Variants in SAMD8 observed in about 807,000 individuals in gnomAD.
The protein encoded by SAMD8 is sphingomyelin synthase-related protein 1.
In SAMD8, 20 loss-of-function variants were observed where a neutral mutation model predicts 42.0. That is an observed-to-expected ratio of 0.48 (90% CI 0.34 to 0.69). The LOEUF (loss-of-function observed/expected upper bound fraction) is 0.69. SAMD8 is among the 30% of genes least tolerant of loss of function. SAMD8 has a pLI of 0.01. For synonymous variants in SAMD8, 162 were observed against 173.0 expected, an observed-to-expected ratio of 0.94 and a Z score of 0.50; for missense variants, 328 against 511.6, an observed-to-expected ratio of 0.64 and a Z score of 3.46.
intron 1 of SAMD8, among the ~76,000 whole-genome samples, chr10:75,146,238 C>T (rs764704488): frequency 1.4e-5 from 2 of 143,246 alleles, no homozygotes; most frequent in South Asian, 2.2e-4. Context: ...TTTCCTGGCT[C>T]TCAGGGATTT....
rs1021727037 is a variant in SAMD8, at chr10:75,154,291, G to A, written c.578+3185G>A. On this transcript the variant is annotated intron_variant, in intron 2 of 5. Transcript: ENST00000542569. Reference sequence around the variant, plus strand: ...TTCTCCAAAGTAAGGAGAACTTACTGAAAGCTGTTTAAGAAGTTGTTATAT... The same window carrying A: ...TTCTCCAAAGTAAGGAGAACTTACTAAAAGCTGTTTAAGAAGTTGTTATAT... Among the ~76,000 whole-genome samples, 4 of 152,310 alleles carry A rather than the reference G, an allele frequency of 2.6e-5. No homozygotes were observed. The East Asian group carries it at 7.7e-4, about 29-fold the overall frequency.
intron 2 of SAMD8, among the ~76,000 whole-genome samples, chr10:75,162,185 G>A (rs963047341): frequency 6.6e-6 from 1 of 151,716 alleles, no homozygotes; most frequent in African/African-American, 2.4e-5. Flanking sequence ...ATTGTGAAAC[G>A]CTTTCTCTAC....
rs1325485075 is a variant in SAMD8, at chr10:75,176,534, C to G, written c.1090C>G (p.His364Asp). 7 of 1,550,452 alleles carry G rather than the reference C, an allele frequency of 4.5e-6. No individual in the cohort carries two copies. The highest frequency in any genetic ancestry group is 4.1e-5 in the African/African-American group (3 of 73,036). Reference sequence around the variant, plus strand: ...AACAACAAGACTCTTTTTGTACTACCATACTCTGGCCAATACCAGAGCATA... The same window carrying G: ...AACAACAAGACTCTTTTTGTACTACGATACTCTGGCCAATACCAGAGCATA... ...YITTRLFLYY[H>D]TLANTRAYQQ... is the part of the protein sequence containing the mutation. The change falls in exon 6 of 6, where the codon CAT becomes GAT. Residue 364 changes from histidine (H) to aspartate (D), a missense_variant. Physicochemically the swap from His to Asp is moderately conservative, Grantham distance 81 (BLOSUM62 -1). Transcript: ENST00000542569. The surrounding 1 kb of genome is among the most constrained non-coding windows in gnomAD (Gnocchi z 4.3).
At chr10:75,163,474 G>A (rs1049906878) in intron 2 of SAMD8, among the ~76,000 whole-genome samples, 14 of 150,748 alleles carry the variant, frequency 9.3e-5, no homozygotes, top group African/African-American at 2.2e-4. Flanking sequence ...TGGTTCTGTC[G>A]CCTAGGTTGG....
At chr10:75,125,681 A>G (rs1454388307) in intron 1 of SAMD8, 6 of 152,330 alleles carry the variant, frequency 3.9e-5, no homozygotes, top group African/African-American at 1.4e-4. Flanking sequence ...TATCAGGGAC[A>G]TTTCTGAAAC....
At chr10:75,106,958 A>G (rs577990997), upstream of SAMD8, among the ~76,000 whole-genome samples, 25 of 152,350 alleles carry the variant, frequency 1.6e-4, no homozygotes, top group South Asian at 5.2e-3. Flanking sequence ...GTCTTCTAGG[A>G]TGGACACAAA....
chr10:75,107,819 C>T (rs1466960097), upstream of SAMD8, among the ~76,000 whole-genome samples: 1 of 152,142 alleles, frequency 6.6e-6, no homozygotes. Flanking sequence ...TCAGGCGATC[C>T]ACCCACCTCG....
chr10:75,115,768 G>A (rs750120460), intron 1 of SAMD8, among the ~76,000 whole-genome samples: 8 of 151,794 alleles, frequency 5.3e-5, no homozygotes, highest in African/African-American at 1.5e-4. Flanking sequence ...GTGAAACCCC[G>A]TCTCTACTAA....
At position 75,176,784 on chromosome 10, in the gene SAMD8, C is replaced by T. The variant is rs948978278; in HGVS notation, c.*92C>T. The T allele has an allele frequency of 4.3e-6, 4 of 930,034 alleles. No individual in the cohort carries two copies. The highest frequency in any genetic ancestry group is 3.1e-5 in the Admixed American group (1 of 32,306). The allele number at this position is 930,034 out of a possible 1,614,324, so 57.6% of individuals were successfully genotyped here. A position where few individuals can be genotyped will look rare whatever the true frequency, so the allele number is the denominator to read the frequency against. ...TCTCCCCCTAGGTTGTTCTTAGATG[C>T]CTGGCTTATGTGTTGACAAAGTAAA... On this transcript the variant is annotated 3_prime_UTR_variant, in exon 6 of 6. Transcript: ENST00000542569. This position sits in a 1 kb window ranked among gnomAD's most constrained non-coding sequence, Gnocchi z 4.3.
chr10:75,155,905 C>T lies in SAMD8; in HGVS notation c.578+4799C>T, dbSNP rs755021592. 6.6e-5 allele frequency among the ~76,000 whole-genome samples: 10 copies of T among 152,058 alleles called. No individual in the cohort carries two copies. The South Asian group carries it at 8.3e-4, about 13-fold the overall frequency. On this transcript the variant is annotated intron_variant, in intron 2 of 5. Coordinates refer to ENST00000542569, the MANE Select transcript of SAMD8 (RefSeq NM_001174156.2). ...ACAATAGCACTATGAGCACACAGAT[C>T]GTGGTTTTAAAATACTGTTCCCAGG...
chr10:75,175,543 TTTAA>T (rs960399736), intron 4 of SAMD8, among the ~76,000 whole-genome samples: 2 of 151,872 alleles, frequency 1.3e-5, no homozygotes, highest in Non-Finnish European at 2.9e-5. Flanking sequence ...TTTATTTATT[TTTAA>T]TTAATTAATC....
intron 1 of SAMD8, among the ~76,000 whole-genome samples, chr10:75,113,390 CT>C (rs202162870): frequency 1.0e-3 from 145 of 144,320 alleles, no homozygotes; most frequent in Middle Eastern, 3.5e-3. Context: ...TCTTTCCTTT[CT>C]TTTTTTTTTT....
chr10:75,155,120 G>A (rs954631139), intron 2 of SAMD8, among the ~76,000 whole-genome samples: 14 of 151,940 alleles, frequency 9.2e-5, no homozygotes, highest in African/African-American at 3.4e-4. Context: ...TCAAACTTTT[G>A]GCCTCAAGTG....
intron 1 of SAMD8, chr10:75,101,746 C>T (rs1021250416): frequency 1.7e-6 from 1 of 598,104 alleles, no homozygotes; most frequent in Non-Finnish European, 2.8e-6. Flanking sequence ...CTGACCCAGT[C>T]GGTTCTCTAC....
chr10:75,132,434 T>A (rs1849293514), intron 1 of SAMD8, among the ~76,000 whole-genome samples: 1 of 152,176 alleles, frequency 6.6e-6, no homozygotes, highest in Non-Finnish European at 1.5e-5. Flanking sequence ...TCTCTCTTGG[T>A]TTGACCAACT....
At chr10:75,139,851 T>C (rs547460852) in intron 1 of SAMD8, among the ~76,000 whole-genome samples, 9 of 152,344 alleles carry the variant, frequency 5.9e-5, no homozygotes, top group African/African-American at 2.2e-4. Flanking sequence ...ATATGGATTT[T>C]GTTTTTGGTG....
chr10:75,158,245 G>T (rs1342537494), intron 2 of SAMD8, among the ~76,000 whole-genome samples: 2 of 151,894 alleles, frequency 1.3e-5, no homozygotes, highest in African/African-American at 4.8e-5. Context: ...AAAAAACAAA[G>T]CATAGTGGGA....
At chr10:75,131,842 A>G (rs982737252) in intron 1 of SAMD8, among the ~76,000 whole-genome samples, 8 of 152,150 alleles carry the variant, frequency 5.3e-5, no homozygotes, top group Non-Finnish European at 2.9e-5. Flanking sequence ...GACTTTAAAT[A>G]CTCTAAACAT....
At chr10:75,108,345 G>A, upstream of SAMD8, 2 of 1,422,136 alleles carry the variant, frequency 1.4e-6, no homozygotes, top group South Asian at 2.9e-5. Context: ...CTCCAAGTGG[G>A]GTCTGACTCC....
Sources: gnomAD v4.1 joint callset for allele counts (sites outside exome capture counted in the v4.1 genomes callset) on GRCh38, gnomAD v4.1.1 for gene constraint, Gnocchi (gnomAD v3.1) non-coding constraint, MANE v1.5 for transcripts, NCBI Gene and HGNC (gene_info 2026-07-23, HGNC 2026-07-21) for gene names.